The following CIITA variants were observed in gnomAD, a reference collection of about 807,000 sequenced individuals.
The protein encoded by CIITA is MHC class II transactivator.
CIITA carries 72 observed loss-of-function variants against 115.1 expected under a neutral mutation model. That is an observed-to-expected ratio of 0.63 (90% CI 0.52 to 0.76). The LOEUF is 0.76. Among genes scored for constraint, CIITA ranks in the 30% least tolerant of loss-of-function variants. The pLI, the probability that CIITA is intolerant of heterozygous loss-of-function variation, is 0.00. For synonymous variants in CIITA, 763 were observed against 635.6 expected, an observed-to-expected ratio of 1.20 and a Z score of -3.02; for missense variants, 1,617 against 1,463.8, an observed-to-expected ratio of 1.10 and a Z score of -1.71.
intron 13 of CIITA, among the ~76,000 whole-genome samples, chr16:10,912,638 G>C (rs1250349173): frequency 2.0e-5 from 3 of 152,204 alleles, no homozygotes; most frequent in African/African-American, 7.2e-5. Context: ...TTTGAACAGA[G>C]ACAAGGTGCT....
chr16:10,906,661 G>A lies in CIITA; in HGVS notation c.1169G>A (p.Arg390Gln), dbSNP rs776966289. Reference sequence around the variant, plus strand: ...CTGGCCACCCCGGACTGGGCAGAACGGCAGCTGGCCCAAGGAGGCCTGGCT... The same window carrying A: ...CTGGCCACCCCGGACTGGGCAGAACAGCAGCTGGCCCAAGGAGGCCTGGCT... Reference protein sequence around the residue: ...RELATPDWAERQLAQGGLAEV... With the variant: ...RELATPDWAEQQLAQGGLAEV... Residue 390 changes from arginine (R) to glutamine (Q), a missense_variant, in exon 11 of 20, where the codon CGG (arginine) becomes CAG (glutamine). By Grantham distance (43) the Arg-to-Gln change is conservative. Coordinates refer to ENST00000324288, the MANE Select transcript of CIITA (RefSeq NM_000246.4). 6.2e-6 allele frequency: 10 copies of A among 1,613,546 alleles called. No individual in the cohort carries two copies. Among genetic ancestry groups the A allele is most frequent in the East Asian group, 4.5e-5 (2 of 44,878 alleles).
At chr16:10,872,685 A>T (rs1412976457), upstream of CIITA, among the ~76,000 whole-genome samples, 1 of 152,198 alleles carries the variant, frequency 6.6e-6, no homozygotes, top group Non-Finnish European at 1.5e-5. Flanking sequence ...TTGGATACAT[A>T]GCAGTTGTAT....
intron 4 of CIITA, 91 bp downstream of exon 4, chr16:10,898,823 T>C (rs1158074033): frequency 2.6e-5 from 41 of 1,594,064 alleles, no homozygotes; most frequent in East Asian, 2.5e-4. Flanking sequence ...CGACCATTCA[T>C]TGATGGGCAG....
intron 1 of CIITA, among the ~76,000 whole-genome samples, chr16:10,881,423 T>C (rs890288189): frequency 2.0e-5 from 3 of 152,202 alleles, no homozygotes; most frequent in Admixed American, 6.5e-5. Context: ...CCGATTCTCA[T>C]AGGAAGGACA....
intron 1 of CIITA, among the ~76,000 whole-genome samples, chr16:10,893,524 A>T (rs371893846): frequency 6.6e-6 from 1 of 152,150 alleles, no homozygotes; most frequent in Admixed American, 6.6e-5. Flanking sequence ...CAATTTGCCC[A>T]CTTAAAAAGT....
intron 16 of CIITA, among the ~76,000 whole-genome samples, chr16:10,919,341 C>T (rs572809059): frequency 6.6e-6 from 1 of 152,132 alleles, no homozygotes; most frequent in Admixed American, 6.5e-5. Flanking sequence ...GGATTATAGG[C>T]GCCCACCACC....
upstream of CIITA, among the ~76,000 whole-genome samples, chr16:10,874,226 C>T (rs573913257): frequency 9.9e-5 from 15 of 152,196 alleles, no homozygotes; most frequent in African/African-American, 2.9e-4. Flanking sequence ...TCAGGTGATC[C>T]GCCCGCCTCA....
At position 10,907,074 on chromosome 16, in the gene CIITA, C is replaced by A; in HGVS notation, c.1582C>A (p.Leu528Met). Residue 528 changes from leucine (L) to methionine (M), a missense_variant, in exon 11 of 20, where the codon CTG becomes ATG. Physicochemically the swap from Leu to Met is conservative, Grantham distance 15. Coordinates refer to ENST00000324288, the MANE Select transcript of CIITA (RefSeq NM_000246.4). This position sits in a 1 kb window ranked among gnomAD's most constrained non-coding sequence, Gnocchi z 5.0. ...APAEPCSLRG[L>M]LAGLFQKKLL... ...GGCGGAGCCCTGCTCCCTCCGGGGG[C>A]TGCTGGCCGGCCTTTTCCAGAAGAA... 6.2e-7 allele frequency: 1 copy of A among 1,607,584 alleles called. No individual in the cohort carries two copies. The highest frequency in any genetic ancestry group is 8.5e-7 in the Non-Finnish European group (1 of 1,179,858).
chr16:10,883,120 G>C (rs2036591912), intron 1 of CIITA, among the ~76,000 whole-genome samples: 1 of 152,136 alleles, frequency 6.6e-6, no homozygotes, highest in Admixed American at 6.5e-5. Context: ...AGTGCTGGCG[G>C]GGGGACTGTG....
intron 15 of CIITA, among the ~76,000 whole-genome samples, chr16:10,917,225 G>A (rs910895607): frequency 2.0e-5 from 3 of 152,194 alleles, no homozygotes; most frequent in African/African-American, 7.2e-5. Context: ...ACCCAGGGTG[G>A]AGTGCAGTGG....
At chr16:10,885,124 G>T (rs1294310164) in intron 1 of CIITA, among the ~76,000 whole-genome samples, 1 of 152,062 alleles carries the variant, frequency 6.6e-6, no homozygotes, top group African/African-American at 2.4e-5. Flanking sequence ...CATTGTGATG[G>T]TGATTTAGAC....
At chr16:10,902,535 G>C in intron 7 of CIITA, 123 bp from the exon 8 acceptor site, 1 of 1,215,280 alleles carries the variant, frequency 8.2e-7, no homozygotes, top group Non-Finnish European at 1.2e-6. Context: ...GACAGAAACA[G>C]CTACTGCTCT....
intron 1 of CIITA, chr16:10,866,358 G>T (rs752320650): frequency 3.0e-5 from 17 of 568,538 alleles, no homozygotes; most frequent in Non-Finnish European, 5.5e-5. Context: ...CCAGCCTGGT[G>T]CAGGCCCTCT....
Position 10,902,203 on chromosome 16 carries a change from A to T in CIITA, c.628+19A>T. The stretch of plus-strand genomic sequence containing the variant: ...ATTCCCAGTATGTTAGGGGGCTTGG[A>T]GAGAGTGGGCTTTCTCCCTCTTGGG... On this transcript the variant is annotated intron_variant, in intron 7 of 19. Coordinates refer to ENST00000324288, the MANE Select transcript of CIITA (RefSeq NM_000246.4). 1.2e-6 allele frequency: 2 copies of T among 1,613,920 alleles called. No individual in the cohort carries two copies. The highest frequency in any genetic ancestry group is 1.7e-6 in the Non-Finnish European group (2 of 1,179,944).
intron 3 of CIITA, 116 bp from the exon 4 acceptor site, chr16:10,898,554 A>T: frequency 1.5e-6 from 1 of 669,216 alleles, no homozygotes; most frequent in Non-Finnish European, 2.6e-6. Context: ...TTCAACAAAC[A>T]TTTCTTGAGT....
intron 1 of CIITA, among the ~76,000 whole-genome samples, chr16:10,867,605 G>C (rs1197701118): frequency 6.6e-6 from 1 of 151,990 alleles, no homozygotes; most frequent in African/African-American, 2.4e-5. Context: ...GAGAATGAAG[G>C]CCTTATTTTT....
In CIITA at chr16:10,882,566, A is replaced by G. The variant is rs534814442; in HGVS notation, c.52+5184A>G. On this transcript the variant is annotated intron_variant, in intron 1 of 19. Coordinates refer to ENST00000324288, the MANE Select transcript of CIITA (RefSeq NM_000246.4). ...CAACAGAGCAAGACCTTTTTTTAGG[A>G]AAAAAATATATAAATTAATAAAAAT... 2.3e-4 allele frequency among the ~76,000 whole-genome samples: 35 copies of G among 151,036 alleles called. No homozygotes were observed. In the South Asian group the frequency reaches 5.9e-3, roughly 25 times the overall value.
Position 10,923,217 on chromosome 16 carries a change from C to T in CIITA, c.3318-11C>T. 6.2e-7 allele frequency: 1 copy of T among 1,612,372 alleles called. No homozygotes were observed. On this transcript the variant is annotated splice_polypyrimidine_tract_variant and intron_variant, in intron 18 of 19. Coordinates refer to ENST00000324288, the MANE Select transcript of CIITA (RefSeq NM_000246.4). This position sits in a 1 kb window ranked among gnomAD's most constrained non-coding sequence, Gnocchi z 5.2. The stretch of plus-strand genomic sequence containing the variant: ...CTCTAACCTGGCTCTGAGTCCCATC[C>T]CCCCTTGCAGGATGTGGACGCCCAC...
intron 3 of CIITA, 108 bp downstream of exon 3, chr16:10,895,872 G>A: frequency 9.3e-7 from 1 of 1,076,404 alleles, no homozygotes; most frequent in East Asian, 2.5e-5. Context: ...CCCTCCCACA[G>A]AAATCATTGC....
Sources: allele counts gnomAD v4.1 joint callset (sites outside exome capture counted in the v4.1 genomes callset), GRCh38; gene constraint gnomAD v4.1.1; non-coding constraint Gnocchi (gnomAD v3.1); transcripts MANE v1.5; gene names NCBI Gene and HGNC (gene_info 2026-07-23, HGNC 2026-07-21).